Variants in GPM6A observed in about 807,000 individuals in gnomAD.
The protein encoded by GPM6A is glycoprotein M6A, also known as neuronal membrane glycoprotein M6-a.
GPM6A carries 7 observed loss-of-function variants against 32.1 expected under a neutral mutation model. The ratio of observed to expected loss-of-function variants is 0.22; its 90% CI spans 0.12 to 0.41. GPM6A has a LOEUF of 0.41. GPM6A is among the 10% of genes least tolerant of loss of function. GPM6A has a pLI of 1.00. For synonymous variants in GPM6A, 130 were observed against 123.4 expected, an observed-to-expected ratio of 1.05 and a Z score of -0.35; for missense variants, 235 against 347.2, an observed-to-expected ratio of 0.68 and a Z score of 2.57.
intron 1 of GPM6A, among the ~76,000 whole-genome samples, chr4:175,861,905 ATAAC>A (rs1435219754): frequency 2.0e-5 from 3 of 152,152 alleles, no homozygotes; most frequent in African/African-American, 4.8e-5. Flanking sequence ...AATAAAATAA[ATAAC>A]TAGATGGAGG....
chr4:175,879,601 A>G (rs7654327), intron 1 of GPM6A, among the ~76,000 whole-genome samples: 1 of 152,156 alleles, frequency 6.6e-6, no homozygotes, highest in African/African-American at 2.4e-5. Flanking sequence ...TAATTCAATT[A>G]TCTCCACCTG....
intron 1 of GPM6A, among the ~76,000 whole-genome samples, chr4:175,809,299 T>C (rs1009845231): frequency 6.6e-6 from 1 of 152,182 alleles, no homozygotes; most frequent in Admixed American, 6.5e-5. Flanking sequence ...TTTGTGACAA[T>C]GGCTCTTGAT....
rs549730710 is a variant in GPM6A, at chr4:175,633,969, A to T, written c.*936T>A. On this transcript the variant is annotated 3_prime_UTR_variant, in exon 7 of 7. Transcript: ENST00000393658. ...TAAAACTTTTAAAGTAGGTAAAACA[A>T]CTTCCGAGGGGTTAGTGTGCTTATT... 1.2e-4 allele frequency: 18 copies of T among 152,624 alleles called. No homozygotes were observed. Among genetic ancestry groups the T allele is most frequent in the Admixed American group, 3.3e-4 (5 of 15,276 alleles). 9.5% of individuals were successfully genotyped at this position (152,624 alleles called of 1,614,324 possible).
chr4:175,701,797 T>C, intron 1 of GPM6A, 30 bp from the exon 2 acceptor site: 1 of 1,507,594 alleles, frequency 6.6e-7, no homozygotes, highest in Non-Finnish European at 9.1e-7. Context: ...GAGAAATTCA[T>C]ATTTTTGTTA....
intron 4 of GPM6A, among the ~76,000 whole-genome samples, chr4:175,645,663 G>A (rs181558997): frequency 6.6e-4 from 100 of 152,276 alleles, no homozygotes; most frequent in Non-Finnish European, 1.3e-3. Flanking sequence ...AGAGGTTTCA[G>A]TGAACCGAGA....
chr4:175,772,062 G>T (rs183386855), intron 1 of GPM6A, among the ~76,000 whole-genome samples: 1 of 152,152 alleles, frequency 6.6e-6, no homozygotes, highest in South Asian at 2.1e-4. Flanking sequence ...TGCTCAGTGC[G>T]CATTTGCTGA....
At chr4:175,723,524 G>T (rs1176024869) in intron 1 of GPM6A, among the ~76,000 whole-genome samples, 1 of 152,050 alleles carries the variant, frequency 6.6e-6, no homozygotes, top group Non-Finnish European at 1.5e-5. Flanking sequence ...ATACTAAAAG[G>T]CAGGCAAAAG....
In GPM6A at chr4:175,684,518, A is replaced by T. The variant is rs1444103074; in HGVS notation, c.231-10682T>A. On this transcript the variant is annotated intron_variant, in intron 2 of 6. Transcript: ENST00000393658. ...AATCTAATTTTATCAAATTAGATAA[A>T]ATCAGATAAATTAGATAAAATTAGA... is the stretch of plus-strand genomic sequence containing the variant. 2.0e-5 allele frequency among the ~76,000 whole-genome samples: 3 copies of T among 152,150 alleles called. 1 individual carries two copies. The highest frequency in any genetic ancestry group is 2.0e-4 in the Admixed American group (3 of 15,286).
At chr4:175,953,022 C>A in intron 1 of GPM6A, among the ~76,000 whole-genome samples, 1 of 102,802 alleles carries the variant, frequency 9.7e-6, no homozygotes. Flanking sequence ...AGAACAAGAC[C>A]CTGTTTTTAA....
chr4:175,837,862 A>G (rs555721652), intron 1 of GPM6A, among the ~76,000 whole-genome samples: 49 of 152,158 alleles, frequency 3.2e-4, no homozygotes, highest in African/African-American at 1.1e-3. Flanking sequence ...GTTTTTCTAC[A>G]TTTTTAGCTT....
chr4:175,972,695 G>T (rs1256880054), intron 1 of GPM6A, among the ~76,000 whole-genome samples: 1 of 152,120 alleles, frequency 6.6e-6, no homozygotes. Flanking sequence ...TTTTGGGCTT[G>T]TTTCTTTGCA....
At chr4:175,707,495 ATTAT>A (rs1745264276) in intron 1 of GPM6A, among the ~76,000 whole-genome samples, 3 of 152,190 alleles carry the variant, frequency 2.0e-5, no homozygotes, top group Non-Finnish European at 2.9e-5. Flanking sequence ...ATTTGTATAA[ATTAT>A]TTATGTAATT....
At chr4:175,675,563 A>G (rs1323446575) in intron 2 of GPM6A, among the ~76,000 whole-genome samples, 1 of 152,180 alleles carries the variant, frequency 6.6e-6, no homozygotes, top group Non-Finnish European at 1.5e-5. Context: ...CACTTTCAAT[A>G]AACCCACTAA....
intron 1 of GPM6A, among the ~76,000 whole-genome samples, chr4:175,856,806 G>A (rs576876172): frequency 2.0e-5 from 3 of 152,224 alleles, no homozygotes; most frequent in South Asian, 4.1e-4. Flanking sequence ...CTCCTCTGCT[G>A]TACCGCTCTG....
rs145101456 is a variant in GPM6A, at chr4:175,736,020, A to G, written c.38-34253T>C. Among the ~76,000 whole-genome samples, 4 of 152,080 alleles carry G rather than the reference A, an allele frequency of 2.6e-5. No homozygotes were observed. The East Asian group carries it at 5.8e-4, about 22-fold the overall frequency. Reference sequence around the variant, plus strand: ...TGAGACTAAAACAATGTTTTCTTTTATTTTTATTTATTTACATTTTTTAGA... The same window carrying G: ...TGAGACTAAAACAATGTTTTCTTTTGTTTTTATTTATTTACATTTTTTAGA... On this transcript the variant is annotated intron_variant, in intron 1 of 6. Transcript: ENST00000393658.
intron 1 of GPM6A, among the ~76,000 whole-genome samples, chr4:175,942,190 G>T (rs1020201141): frequency 1.3e-5 from 2 of 151,718 alleles, no homozygotes; most frequent in African/African-American, 4.9e-5. Flanking sequence ...TTTGAGAAGT[G>T]TATGTTCTTA....
intron 1 of GPM6A, among the ~76,000 whole-genome samples, chr4:175,719,132 T>C (rs761011659): frequency 1.3e-5 from 2 of 152,196 alleles, no homozygotes; most frequent in African/African-American, 4.8e-5. Flanking sequence ...AAAAACATTT[T>C]TTAAGAAGCA....
intron 1 of GPM6A, among the ~76,000 whole-genome samples, chr4:175,839,637 C>G (rs1297599206): frequency 6.6e-6 from 1 of 151,886 alleles, no homozygotes; most frequent in African/African-American, 2.4e-5. Context: ...ATAATTTGAA[C>G]AGAAACAGAC....
intron 1 of GPM6A, among the ~76,000 whole-genome samples, chr4:175,931,689 C>T (rs1390693204): frequency 1.4e-5 from 2 of 147,692 alleles, no homozygotes; most frequent in Admixed American, 6.8e-5. Flanking sequence ...CACACACACA[C>T]ACACACACAC....
Sources: allele counts gnomAD v4.1 joint callset (sites outside exome capture counted in the v4.1 genomes callset), GRCh38; gene constraint gnomAD v4.1.1; transcripts MANE v1.5; gene names NCBI Gene and HGNC (gene_info 2026-07-23, HGNC 2026-07-21).